Variants in RTN1 observed in about 807,000 individuals in gnomAD.
RTN1 encodes the protein reticulon-1.
Under a neutral mutation model 65.5 loss-of-function variants are expected in RTN1, and 25 were observed. That is an observed-to-expected ratio of 0.38 (90% CI 0.28 to 0.53). The LOEUF is 0.53. Ranked by LOEUF, RTN1 falls within the 20% of genes least tolerant of loss-of-function variation. The probability of loss-of-function intolerance (pLI) is 0.79; values close to 1 mark genes in which losing one functional copy is unlikely to be tolerated. For missense variants in RTN1, 983 were observed against 1,025.4 expected, an observed-to-expected ratio of 0.96 and a Z score of 0.57; for synonymous variants, 471 against 447.6, an observed-to-expected ratio of 1.05 and a Z score of -0.66.
intron 1 of RTN1, among the ~76,000 whole-genome samples, chr14:59,763,757 T>C (rs546078041): frequency 4.6e-5 from 7 of 152,082 alleles, no homozygotes; most frequent in Non-Finnish European, 7.4e-5. Flanking sequence ...GGTCTCAATC[T>C]CCTGACCTCG....
intron 3 of RTN1, among the ~76,000 whole-genome samples, chr14:59,659,599 G>C (rs1198888209): frequency 6.6e-6 from 1 of 152,164 alleles, no homozygotes; most frequent in Non-Finnish European, 1.5e-5. Context: ...CATTCTCAAA[G>C]AAAAGAATTT....
chr14:59,735,626 C>G (rs1185628155), intron 2 of RTN1, among the ~76,000 whole-genome samples: 1 of 151,994 alleles, frequency 6.6e-6, no homozygotes, highest in Non-Finnish European at 1.5e-5. Context: ...CAACAAATAT[C>G]AAAAAAGATA....
intron 3 of RTN1, among the ~76,000 whole-genome samples, chr14:59,706,254 G>A (rs191353223): frequency 7.2e-5 from 11 of 152,206 alleles, no homozygotes; most frequent in Non-Finnish European, 1.0e-4. Context: ...CAGAAGAACC[G>A]TGTCCCAGGC....
intron 1 of RTN1, among the ~76,000 whole-genome samples, chr14:59,793,851 C>T (rs572022194): frequency 1.3e-5 from 2 of 152,268 alleles, no homozygotes; most frequent in African/African-American, 4.8e-5. Context: ...CCCCAACTTT[C>T]AAACATTGTC....
intron 1 of RTN1, among the ~76,000 whole-genome samples, chr14:59,765,546 T>C (rs138236521): frequency 1.3e-5 from 2 of 152,352 alleles, no homozygotes; most frequent in East Asian, 3.9e-4. Flanking sequence ...GAATCTGTGA[T>C]GTTTGAAGGC....
chr14:59,810,214 T>C (rs1027618204), intron 1 of RTN1, among the ~76,000 whole-genome samples: 1 of 152,148 alleles, frequency 6.6e-6, no homozygotes, highest in African/African-American at 2.4e-5. Flanking sequence ...TGTTTCCCAA[T>C]CTGGATATGA....
intron 3 of RTN1, among the ~76,000 whole-genome samples, chr14:59,636,163 T>C (rs1294932207): frequency 6.6e-6 from 1 of 152,204 alleles, no homozygotes; most frequent in African/African-American, 2.4e-5. Context: ...TGATGTGGTT[T>C]GGATATTTTT....
At chr14:59,682,497 C>T (rs1883766124) in intron 3 of RTN1, among the ~76,000 whole-genome samples, 1 of 152,116 alleles carries the variant, frequency 6.6e-6, no homozygotes, top group Non-Finnish European at 1.5e-5. Flanking sequence ...GGAACTGACT[C>T]ATGGTCATCT....
At chr14:59,838,179 C>A (rs1241930176) in intron 1 of RTN1, among the ~76,000 whole-genome samples, 2 of 152,182 alleles carry the variant, frequency 1.3e-5, no homozygotes, top group Non-Finnish European at 2.9e-5. Flanking sequence ...TTAGCTCCCA[C>A]TTATAAGTGG....
intron 1 of RTN1, among the ~76,000 whole-genome samples, chr14:59,851,216 G>A (rs1258381501): frequency 6.6e-6 from 1 of 152,172 alleles, no homozygotes; most frequent in Non-Finnish European, 1.5e-5. Flanking sequence ...AATGATCACA[G>A]TGGAAACATA....
intron 3 of RTN1, among the ~76,000 whole-genome samples, chr14:59,676,025 T>C (rs1361818682): frequency 6.6e-6 from 1 of 152,188 alleles, no homozygotes; most frequent in East Asian, 1.9e-4. Flanking sequence ...ATTATTCTCT[T>C]TGTTTTCTTG....
intron 1 of RTN1, among the ~76,000 whole-genome samples, chr14:59,750,138 T>C (rs1885427559): frequency 1.3e-5 from 1 of 79,534 alleles, no homozygotes; most frequent in Non-Finnish European, 2.2e-5. Flanking sequence ...CTATAATATA[T>C]AATATATATA....
chr14:59,689,457 AAC>A (rs1424865788), intron 3 of RTN1, among the ~76,000 whole-genome samples: 1 of 152,230 alleles, frequency 6.6e-6, no homozygotes, highest in Non-Finnish European at 1.5e-5. Context: ...AAATCCAGAC[AAC>A]ACCTGTGAGA....
At chr14:59,607,702 T>A in intron 3 of RTN1, 1 of 580,760 alleles carries the variant, frequency 1.7e-6, no homozygotes, top group South Asian at 2.0e-5. Flanking sequence ...TGAGGATAAT[T>A]CACAAATTCA....
At chr14:59,634,092 A>G (rs918888792) in intron 3 of RTN1, among the ~76,000 whole-genome samples, 1 of 152,218 alleles carries the variant, frequency 6.6e-6, no homozygotes, top group Non-Finnish European at 1.5e-5. Context: ...AGTGTATGGG[A>G]AAAATAAAGC....
intron 3 of RTN1, among the ~76,000 whole-genome samples, chr14:59,663,861 T>C (rs1883305560): frequency 6.6e-6 from 1 of 152,186 alleles, no homozygotes; most frequent in South Asian, 2.1e-4. Flanking sequence ...GCTATTATAC[T>C]GTCAGTGGGA....
intron 3 of RTN1, among the ~76,000 whole-genome samples, chr14:59,613,343 G>C (rs988142147): frequency 6.6e-6 from 1 of 152,206 alleles, no homozygotes; most frequent in African/African-American, 2.4e-5. Flanking sequence ...CTGTCGCCCA[G>C]TCTGGAGTGC....
At position 59,630,315 on chromosome 14, in the gene RTN1, AC is replaced by A. The variant is rs370799425; in HGVS notation, c.1766-22824del. On this transcript the variant is annotated intron_variant, in intron 3 of 8. Transcript: ENST00000267484. ...TGATTCTTGAAATAAGAGGTTTACT[AC>A]CCCCCAACACAAAGCTCTGGGGTAT... 421 of 1,101,924 alleles carry A rather than the reference AC, an allele frequency of 3.8e-4. 1 individual carries two copies. Among genetic ancestry groups the A allele is most frequent in the Admixed American group, 7.5e-4 (39 of 52,166 alleles). 68.3% of individuals were successfully genotyped at this position (1,101,924 alleles called of 1,614,324 possible).
chr14:59,859,363 A>C (rs1414231666), intron 1 of RTN1, among the ~76,000 whole-genome samples: 3 of 152,194 alleles, frequency 2.0e-5, no homozygotes, highest in Non-Finnish European at 2.9e-5. Flanking sequence ...ACTGCCATCC[A>C]TGTAAGACAT....
Sources: allele counts gnomAD v4.1 joint callset (sites outside exome capture counted in the v4.1 genomes callset), GRCh38; gene constraint gnomAD v4.1.1; transcripts MANE v1.5; gene names NCBI Gene and HGNC (gene_info 2026-07-23, HGNC 2026-07-21).